HHAT: variants seen among roughly 807,000 people sequenced by gnomAD.
HHAT encodes the protein hedgehog acyltransferase.
In HHAT, 47 loss-of-function variants were observed where a neutral mutation model predicts 70.8. The observed-to-expected ratio is 0.66, with a 90% confidence interval of 0.53 to 0.85. HHAT has a LOEUF of 0.85. HHAT is among the 40% of genes least tolerant of loss of function. The pLI, the probability that HHAT is intolerant of heterozygous loss-of-function variation, is 0.00. For missense variants in HHAT, 609 were observed against 604.8 expected (o/e 1.01, Z -0.07); for synonymous variants, 228 against 247.6 (o/e 0.92, Z 0.74).
intron 7 of HHAT, among the ~76,000 whole-genome samples, chr1:210,437,744 G>T (rs1002845344): frequency 1.3e-5 from 2 of 151,780 alleles, no homozygotes; most frequent in African/African-American, 4.9e-5. Context: ...TCATTTTGAG[G>T]TGTTCATTTA....
intron 9 of HHAT, among the ~76,000 whole-genome samples, chr1:210,527,280 C>G (rs182451131): frequency 3.9e-5 from 6 of 152,180 alleles, no homozygotes; most frequent in Non-Finnish European, 8.8e-5. Flanking sequence ...GCTGTGTGGT[C>G]TCTCGTGGTT....
intron 8 of HHAT, among the ~76,000 whole-genome samples, chr1:210,497,683 GC>G (rs2094675193): frequency 1.3e-5 from 2 of 152,006 alleles, no homozygotes; most frequent in Admixed American, 1.3e-4. Flanking sequence ...TGGAGGATGT[GC>G]TGTTTTCAGT....
intron 9 of HHAT, among the ~76,000 whole-genome samples, chr1:210,551,661 A>C (rs1200859631): frequency 6.6e-6 from 1 of 152,260 alleles, no homozygotes; most frequent in Non-Finnish European, 1.5e-5. Flanking sequence ...ATCTCTAGTC[A>C]TAAAACCATT....
At chr1:210,522,831 C>T (rs546826768) in intron 9 of HHAT, among the ~76,000 whole-genome samples, 64 of 151,956 alleles carry the variant, frequency 4.2e-4, no homozygotes, top group Non-Finnish European at 6.3e-4. Context: ...GGCACGCTCT[C>T]TTTCTACCCA....
chr1:210,427,786 G>A (rs899516022), intron 7 of HHAT, among the ~76,000 whole-genome samples: 1 of 152,000 alleles, frequency 6.6e-6, no homozygotes, highest in African/African-American at 2.4e-5. Flanking sequence ...GTTTTTGGGC[G>A]GAAAGTTCTG....
At chr1:210,615,053 C>T (rs1391906584) in intron 10 of HHAT, among the ~76,000 whole-genome samples, 1 of 152,198 alleles carries the variant, frequency 6.6e-6, no homozygotes, top group African/African-American at 2.4e-5. Flanking sequence ...TCCTATTTCT[C>T]CACATCCTGT....
At chr1:210,328,745 G>A (rs112302561), upstream of HHAT, among the ~76,000 whole-genome samples, 345 of 152,370 alleles carry the variant, frequency 2.3e-3, 2 homozygotes, top group African/African-American at 8.0e-3. Context: ...ACCAACAGCC[G>A]AGGGGTGAGC....
At chr1:210,352,366 C>G (rs757929895) in intron 2 of HHAT, among the ~76,000 whole-genome samples, 17 of 152,174 alleles carry the variant, frequency 1.1e-4, no homozygotes, top group Non-Finnish European at 2.1e-4. Context: ...TAAGTATGTT[C>G]AACTGATACA....
intron 7 of HHAT, among the ~76,000 whole-genome samples, chr1:210,459,302 G>C (rs756848791): frequency 6.6e-6 from 1 of 152,128 alleles, no homozygotes; most frequent in Non-Finnish European, 1.5e-5. Flanking sequence ...ACACTTCCCG[G>C]AAGTACTGTG....
At chr1:210,573,572 G>A (rs1029353196) in intron 9 of HHAT, among the ~76,000 whole-genome samples, 5 of 152,166 alleles carry the variant, frequency 3.3e-5, no homozygotes, top group African/African-American at 9.7e-5. Flanking sequence ...CACAACTTGA[G>A]TACTTTAATT....
intron 11 of HHAT, among the ~76,000 whole-genome samples, chr1:210,651,971 C>G (rs1457096752): frequency 2.0e-5 from 3 of 152,144 alleles, no homozygotes; most frequent in Non-Finnish European, 4.4e-5. Flanking sequence ...GTGGCTGAGG[C>G]TAATTCATCA....
chr1:210,597,828 G>T (rs1310660416), intron 10 of HHAT, among the ~76,000 whole-genome samples: 1 of 151,676 alleles, frequency 6.6e-6, no homozygotes, highest in Non-Finnish European at 1.5e-5. Context: ...TCCACTGTGG[G>T]TGAGCTGATA....
chr1:210,511,020 T>G (rs2094944003), intron 8 of HHAT, among the ~76,000 whole-genome samples: 1 of 152,226 alleles, frequency 6.6e-6, no homozygotes, highest in South Asian at 2.1e-4. Flanking sequence ...CCTCCCATAT[T>G]ATAGATCTGG....
chr1:210,591,952 C>A (rs920625776), intron 10 of HHAT, among the ~76,000 whole-genome samples: 1 of 152,026 alleles, frequency 6.6e-6, no homozygotes, highest in Admixed American at 6.6e-5. Context: ...AGATGGACAG[C>A]TGACAGATAT....
intron 2 of HHAT, among the ~76,000 whole-genome samples, chr1:210,360,302 G>C (rs1415730279): frequency 2.1e-5 from 3 of 139,756 alleles, no homozygotes; most frequent in Admixed American, 7.0e-5. Context: ...GGTTGTTTTT[G>C]TGTTTTTTTT....
At chr1:210,606,918 C>G (rs146120304) in intron 10 of HHAT, among the ~76,000 whole-genome samples, 26 of 152,216 alleles carry the variant, frequency 1.7e-4, no homozygotes, top group Non-Finnish European at 5.9e-5. Flanking sequence ...GTTTTTTGCT[C>G]TGGAAGCATT....
At chr1:210,501,125 C>T (rs2094745138) in intron 8 of HHAT, among the ~76,000 whole-genome samples, 1 of 152,238 alleles carries the variant, frequency 6.6e-6, no homozygotes. Context: ...ATGTTTCCTC[C>T]ACCAGACTGA....
intron 11 of HHAT, among the ~76,000 whole-genome samples, chr1:210,642,811 T>C (rs1673228019): frequency 6.6e-6 from 1 of 152,228 alleles, no homozygotes; most frequent in African/African-American, 2.4e-5. Context: ...TTTACTCTTT[T>C]AATGATGTTT....
chr1:210,499,658 AT>A (rs1432925526), intron 8 of HHAT, among the ~76,000 whole-genome samples: 2 of 143,682 alleles, frequency 1.4e-5, no homozygotes, highest in Non-Finnish European at 3.1e-5. Flanking sequence ...AAAAAAAAAA[AT>A]TATGGAAGGG....
Sources: gnomAD v4.1 joint callset for allele counts (sites outside exome capture counted in the v4.1 genomes callset) on GRCh38, gnomAD v4.1.1 for gene constraint, MANE v1.5 for transcripts, NCBI Gene and HGNC (gene_info 2026-07-23, HGNC 2026-07-21) for gene names.